ARHGAP12: variants seen among roughly 807,000 people sequenced by gnomAD.
The protein encoded by ARHGAP12 is rho GTPase-activating protein 12.
ARHGAP12 carries 64 observed loss-of-function variants against 108.6 expected under a neutral mutation model. That is an observed-to-expected ratio of 0.59 (90% CI 0.48 to 0.73). The LOEUF is 0.73. Among genes scored for constraint, ARHGAP12 ranks in the 30% least tolerant of loss-of-function variants. The probability of loss-of-function intolerance (pLI) is 0.00; values close to 1 mark genes in which losing one functional copy is unlikely to be tolerated. For synonymous variants in ARHGAP12, 312 were observed against 337.2 expected (o/e 0.93, Z 0.82); for missense variants, 940 against 1,005.9 (o/e 0.93, Z 0.89).
chr10:31,810,547 G>A, intron 16 of ARHGAP12, 102 bp downstream of exon 16: 2 of 762,294 alleles, frequency 2.6e-6, no homozygotes, highest in Non-Finnish European at 4.2e-6. Context: ...AGGAACTTCT[G>A]TTTGCATCAC....
At chr10:31,829,386 G>C (rs1400335141) in intron 10 of ARHGAP12, among the ~76,000 whole-genome samples, 1 of 152,068 alleles carries the variant, frequency 6.6e-6, no homozygotes, top group Non-Finnish European at 1.5e-5. Context: ...GAGATGAAAA[G>C]GTTTTAGAGA....
chr10:31,866,170 G>T (rs1837315038), intron 3 of ARHGAP12, among the ~76,000 whole-genome samples: 1 of 152,178 alleles, frequency 6.6e-6, no homozygotes, highest in Non-Finnish European at 1.5e-5. Flanking sequence ...TACCAGGAAA[G>T]AATAGCATTT....
At chr10:31,878,598 T>C (rs1194943095) in intron 3 of ARHGAP12, among the ~76,000 whole-genome samples, 7 of 152,226 alleles carry the variant, frequency 4.6e-5, no homozygotes, top group African/African-American at 9.6e-5. Flanking sequence ...CTATATTCCT[T>C]TATAGTATAG....
At chr10:31,905,958 A>ACC (rs1397379679) in intron 3 of ARHGAP12, among the ~76,000 whole-genome samples, 1 of 152,018 alleles carries the variant, frequency 6.6e-6, no homozygotes, top group East Asian at 1.9e-4. Flanking sequence ...TGATATGCAC[A>ACC]CCCCTGTGTA....
At position 31,817,787 on chromosome 10, in the gene ARHGAP12, C is replaced by A; in HGVS notation, c.1731+1G>T. 6.3e-7 allele frequency: 1 copy of A among 1,579,194 alleles called. No homozygotes were observed. Among genetic ancestry groups the A allele is most frequent in the African/African-American group, 1.4e-5 (1 of 72,384 alleles). The stretch of plus-strand genomic sequence containing the variant: ...AAATTTTACCTAAGTCAACGACATA[C>A]CTGATTATTGATTGTACTACTAAGA... On this transcript the variant is annotated splice_donor_variant, in intron 13 of 19. Coordinates refer to ENST00000344936, the MANE Select transcript of ARHGAP12 (RefSeq NM_018287.7). LOFTEE classifies it high-confidence loss of function.
rs374026928 is a variant in ARHGAP12, at chr10:31,808,679, G to A, written c.2336C>T (p.Thr779Ile). Reference sequence around the variant, plus strand: ...GAGATGTCGGAAAAGAATCTGCATTGTGTCTTGGTTTGGCTTTGGCAACTG... The same window carrying A: ...GAGATGTCGGAAAAGAATCTGCATTATGTCTTGGTTTGGCTTTGGCAACTG... ...IRQLPKPNQD[T>I]MQILFRHLRR... The change falls in exon 19 of 20, where the codon ACA (threonine) becomes ATA (isoleucine). Residue 779 changes from threonine (T) to isoleucine (I), a missense_variant. Thr to Ile is a moderately conservative substitution (Grantham distance 89). Coordinates refer to ENST00000344936, the MANE Select transcript of ARHGAP12 (RefSeq NM_018287.7). 1.2e-6 allele frequency: 2 copies of A among 1,613,728 alleles called. No individual in the cohort carries two copies. Among genetic ancestry groups the A allele is most frequent in the Non-Finnish European group, 1.7e-6 (2 of 1,179,690 alleles).
In ARHGAP12 at chr10:31,861,538, C is replaced by T. The variant is rs1411118820; in HGVS notation, c.805G>A (p.Gly269Arg). The T allele has an allele frequency of 1.9e-6, 3 of 1,614,056 alleles. No individual in the cohort carries two copies. Among genetic ancestry groups the T allele is most frequent in the Non-Finnish European group, 2.5e-6 (3 of 1,180,038 alleles). Residue 269 changes from glycine to arginine, a missense_variant, in exon 4 of 20, where the codon GGA becomes AGA. By Grantham distance (125) the Gly-to-Arg change is moderately radical (BLOSUM62 -2). Transcript: ENST00000344936. ...CTGTCTTTATGAGTTTCCCATTCTC[C>T]ATTAATCTGAATTGCCGGGCTCCCA... The part of the protein sequence containing the change: ...LPGSPAIQIN[G>R]EWETHKDSSG...
chr10:31,868,758 A>C (rs1007526729), intron 3 of ARHGAP12, among the ~76,000 whole-genome samples: 1 of 151,900 alleles, frequency 6.6e-6, no homozygotes, highest in African/African-American at 2.4e-5. Flanking sequence ...CAACACCGAG[A>C]CCCTGTCTCT....
chr10:31,886,673 C>A (rs895101061), intron 3 of ARHGAP12, among the ~76,000 whole-genome samples: 6 of 152,124 alleles, frequency 3.9e-5, no homozygotes, highest in Non-Finnish European at 8.8e-5. Context: ...TTTCGACAGT[C>A]CTTTTTTGGG....
At position 31,839,381 on chromosome 10, in the gene ARHGAP12, T is replaced by G. The variant is rs559710702; in HGVS notation, c.1372-62A>C. 3.2e-5 allele frequency: 48 copies of G among 1,504,986 alleles called. 1 individual carries two copies. In the South Asian group the frequency reaches 5.7e-4, roughly 18 times the overall value. The allele number at this position is 1,504,986 out of a possible 1,614,324, so 93.2% of individuals were successfully genotyped here. Reference sequence around the variant, plus strand: ...TTGTCTGGGAATTTTATATTTATTTTTAAAAACAAATATAAGTTCATCACT... The same window carrying G: ...TTGTCTGGGAATTTTATATTTATTTGTAAAAACAAATATAAGTTCATCACT... On this transcript the variant is annotated intron_variant, in intron 8 of 19. Coordinates refer to ENST00000344936, the MANE Select transcript of ARHGAP12 (RefSeq NM_018287.7).
intron 3 of ARHGAP12, among the ~76,000 whole-genome samples, chr10:31,894,762 T>TGC (rs1838607646): frequency 6.6e-6 from 1 of 152,128 alleles, no homozygotes; most frequent in African/African-American, 2.4e-5. Flanking sequence ...AAAGTTCATA[T>TGC]GGAACCAAAA....
intron 7 of ARHGAP12, among the ~76,000 whole-genome samples, chr10:31,840,981 T>C (rs113810722): frequency 1.1e-3 from 160 of 152,260 alleles, no homozygotes; most frequent in Admixed American, 2.8e-3. Flanking sequence ...GACTGTCTGA[T>C]AGTAAAACAG....
At chr10:31,905,182 ATTAT>A (rs982031176) in intron 3 of ARHGAP12, among the ~76,000 whole-genome samples, 3 of 152,194 alleles carry the variant, frequency 2.0e-5, no homozygotes, top group African/African-American at 7.2e-5. Context: ...TGAAAAAAAA[ATTAT>A]TTAAATTTGG....
At chr10:31,821,420 T>C (rs149921573) in intron 11 of ARHGAP12, among the ~76,000 whole-genome samples, 2 of 152,318 alleles carry the variant, frequency 1.3e-5, no homozygotes, top group African/African-American at 2.4e-5. Flanking sequence ...TCCTATGGTA[T>C]TGAAAAGTTT....
At chr10:31,876,329 C>T (rs1837730958) in intron 3 of ARHGAP12, among the ~76,000 whole-genome samples, 1 of 152,234 alleles carries the variant, frequency 6.6e-6, no homozygotes, top group East Asian at 1.9e-4. Flanking sequence ...ACCAGCCTGG[C>T]CAACATGGCA....
At chr10:31,811,140 A>G (rs1835000876) in intron 15 of ARHGAP12, among the ~76,000 whole-genome samples, 1 of 152,184 alleles carries the variant, frequency 6.6e-6, no homozygotes, top group African/African-American at 2.4e-5. Context: ...GATTCACAGC[A>G]TTTGTTACTA....
chr10:31,877,380 C>T (rs887363102), intron 3 of ARHGAP12, among the ~76,000 whole-genome samples: 4 of 152,160 alleles, frequency 2.6e-5, no homozygotes, highest in Non-Finnish European at 5.9e-5. Flanking sequence ...GTATCCATAA[C>T]ATTTTTCTAA....
chr10:31,908,049 C>G (rs1839207053), intron 3 of ARHGAP12, 123 bp downstream of exon 3: 1 of 902,782 alleles, frequency 1.1e-6, no homozygotes, highest in Non-Finnish European at 1.6e-6. Flanking sequence ...CAGGATAGAA[C>G]CCATGTACTC....
In ARHGAP12 at chr10:31,831,744, C is replaced by G. The variant is rs1835841730; in HGVS notation, c.1443G>C (p.Lys481Asn). 3 of 1,575,988 alleles carry G rather than the reference C, an allele frequency of 1.9e-6. No homozygotes were observed. The highest frequency in any genetic ancestry group is 1.7e-6 in the Non-Finnish European group (2 of 1,148,754). Residue 481 changes from lysine to asparagine, a missense_variant, in exon 10 of 20, where the codon AAG (lysine) becomes AAC (asparagine). Transcript: ENST00000344936. ...TTAAAGACTTGTGTACTTACCGAAC[C>G]TTTTTCCCATTTTCAGCAATTTTTG... ...NVTKIAENGK[K>N]VRKNWLSSWA...
Sources: gnomAD v4.1 joint callset for allele counts (sites outside exome capture counted in the v4.1 genomes callset) on GRCh38, gnomAD v4.1.1 for gene constraint, MANE v1.5 for transcripts, NCBI Gene and HGNC (gene_info 2026-07-23, HGNC 2026-07-21) for gene names.